The following RBMS3 variants were observed in gnomAD, a reference collection of about 807,000 sequenced individuals.
The protein encoded by RBMS3 is RNA binding motif single stranded interacting protein 3.
In RBMS3, 27 loss-of-function variants were observed where a neutral mutation model predicts 66.8. The observed-to-expected ratio is 0.40, with a 90% CI of 0.30 to 0.56. The LOEUF (loss-of-function observed/expected upper bound fraction) is 0.56, where lower values mean the gene tolerates loss of function less well. Among genes scored for constraint, RBMS3 ranks in the 20% least tolerant of loss-of-function variants. The pLI is 0.40. For missense variants in RBMS3, 513 were observed against 549.5 expected (o/e 0.93, Z 0.66); for synonymous variants, 188 against 183.0 (o/e 1.03, Z -0.22).
intron 6 of RBMS3, among the ~76,000 whole-genome samples, chr3:29,774,032 G>C (rs1222991312): frequency 6.6e-6 from 1 of 151,922 alleles, no homozygotes; most frequent in Non-Finnish European, 1.5e-5. Flanking sequence ...TCTGTTTCTG[G>C]TGAACCCAAA....
intron 4 of RBMS3, among the ~76,000 whole-genome samples, chr3:29,691,232 T>C (rs982937778): frequency 1.3e-5 from 2 of 152,218 alleles, no homozygotes; most frequent in African/African-American, 4.8e-5. Flanking sequence ...CTTGTAAGTA[T>C]TTTGCAGAAC....
intron 4 of RBMS3, among the ~76,000 whole-genome samples, chr3:29,692,725 G>C (rs930488382): frequency 6.6e-6 from 1 of 152,114 alleles, no homozygotes; most frequent in African/African-American, 2.4e-5. Flanking sequence ...TATTGTTCCT[G>C]CATGATAGTA....
At chr3:29,637,772 TGCC>T (rs2049528289) in intron 4 of RBMS3, among the ~76,000 whole-genome samples, 2 of 151,896 alleles carry the variant, frequency 1.3e-5, no homozygotes, top group Non-Finnish European at 2.9e-5. Flanking sequence ...AAGCATTTAG[TGCC>T]CATAACAACA....
intron 4 of RBMS3, among the ~76,000 whole-genome samples, chr3:29,700,521 A>G (rs188565469): frequency 2.3e-4 from 35 of 152,316 alleles, no homozygotes; most frequent in African/African-American, 7.9e-4. Flanking sequence ...GAATCCAAGT[A>G]TAAATAGCAA....
Position 29,362,275 on chromosome 3 carries a change from C to A in RBMS3, c.76-72468C>A, listed in dbSNP as rs201268971. On this transcript the variant is annotated intron_variant, in intron 1 of 14. Transcript: ENST00000383767. Reference sequence around the variant, plus strand: ...TAGTTTTCCTTTTAACAGTCAGGACCCTCAGCTGCAGGTCTGTTGGAGTTT... The same window carrying A: ...TAGTTTTCCTTTTAACAGTCAGGACACTCAGCTGCAGGTCTGTTGGAGTTT... Among the ~76,000 whole-genome samples, 11 of 152,258 alleles carry A rather than the reference C, an allele frequency of 7.2e-5. 1 individual carries two copies. In the East Asian group the frequency reaches 1.9e-3, roughly 27 times the overall value.
At chr3:29,864,728 A>G (rs1330826913) in intron 6 of RBMS3, among the ~76,000 whole-genome samples, 1 of 152,066 alleles carries the variant, frequency 6.6e-6, no homozygotes, top group Non-Finnish European at 1.5e-5. Flanking sequence ...CTTTAAAAAA[A>G]ACTTTCACAA....
chr3:29,566,392 G>T (rs1236810855), intron 3 of RBMS3, among the ~76,000 whole-genome samples: 1 of 152,066 alleles, frequency 6.6e-6, no homozygotes, highest in Non-Finnish European at 1.5e-5. Flanking sequence ...TAGTAAAGCA[G>T]TAGAAGAGTA....
At chr3:29,611,702 G>A (rs1184399034) in intron 4 of RBMS3, among the ~76,000 whole-genome samples, 4 of 151,800 alleles carry the variant, frequency 2.6e-5, no homozygotes, top group Non-Finnish European at 4.4e-5. Context: ...AAGGTTTCAG[G>A]GTAGAAGACC....
intron 2 of RBMS3, among the ~76,000 whole-genome samples, chr3:29,475,441 G>A (rs1162425259): frequency 6.6e-6 from 1 of 151,888 alleles, no homozygotes; most frequent in Non-Finnish European, 1.5e-5. Context: ...GTAGGGATGG[G>A]GTTTTACTGT....
chr3:29,677,901 G>C (rs1486453671), intron 4 of RBMS3, among the ~76,000 whole-genome samples: 2 of 152,136 alleles, frequency 1.3e-5, no homozygotes, highest in Non-Finnish European at 2.9e-5. Context: ...TCACATACCA[G>C]CTCTGTGGCC....
chr3:29,745,327 TAAACCTCTAA>T (rs1209528059), intron 5 of RBMS3, among the ~76,000 whole-genome samples: 1 of 152,152 alleles, frequency 6.6e-6, no homozygotes, highest in Non-Finnish European at 1.5e-5. Flanking sequence ...AGCCAATTTA[TAAACCTCTAA>T]AAACCGAAGT....
intron 1 of RBMS3, among the ~76,000 whole-genome samples, chr3:29,285,244 TG>T (rs1186723367): frequency 2.8e-4 from 1 of 3,524 alleles, no homozygotes; most frequent in Non-Finnish European, 5.5e-4. Context: ...GGGGTGGGGG[TG>T]GGGGTGGTGG....
At chr3:29,772,526 C>T (rs1385762665) in intron 6 of RBMS3, among the ~76,000 whole-genome samples, 1 of 151,930 alleles carries the variant, frequency 6.6e-6, no homozygotes, top group Non-Finnish European at 1.5e-5. Context: ...TCAGCACCAT[C>T]ACAATAGTTA....
In RBMS3 at chr3:29,319,697, G is replaced by T. The variant is rs904388185; in HGVS notation, c.75+37941G>T. 4.6e-5 allele frequency among the ~76,000 whole-genome samples: 7 copies of T among 151,914 alleles called. No individual in the cohort carries two copies. The East Asian group carries it at 5.8e-4, about 13-fold the overall frequency. On this transcript the variant is annotated intron_variant, in intron 1 of 14. Coordinates refer to ENST00000383767, the MANE Select transcript of RBMS3 (RefSeq NM_001003793.3). ...GAAATTTGGATTTTTAACTTTAGTT[G>T]ATCTGTTTCTAGAAAACCATTATTT... is the stretch of plus-strand genomic sequence containing the variant.
At chr3:29,555,180 A>G (rs2046312668) in intron 3 of RBMS3, among the ~76,000 whole-genome samples, 1 of 152,230 alleles carries the variant, frequency 6.6e-6, no homozygotes, top group African/African-American at 2.4e-5. Context: ...ACTTTGTGCT[A>G]GATGAATGAA....
chr3:29,372,911 C>T (rs576005345), intron 1 of RBMS3, among the ~76,000 whole-genome samples: 1 of 151,394 alleles, frequency 6.6e-6, no homozygotes, highest in Non-Finnish European at 1.5e-5. Flanking sequence ...GAAAAAACGC[C>T]TTGAAACCAT....
chr3:29,470,513 GCACACATA>G (rs1188918575), intron 2 of RBMS3, among the ~76,000 whole-genome samples: 1 of 151,936 alleles, frequency 6.6e-6, no homozygotes, highest in Non-Finnish European at 1.5e-5. Context: ...CTTTCTATAA[GCACACATA>G]CATACAAACA....
intron 2 of RBMS3, among the ~76,000 whole-genome samples, chr3:29,484,230 A>T (rs1024508231): frequency 3.9e-5 from 6 of 152,164 alleles, no homozygotes; most frequent in Non-Finnish European, 7.4e-5. Context: ...CCTTGGAGAG[A>T]AGATTATTGT....
chr3:29,662,055 C>T (rs2050574092), intron 4 of RBMS3, among the ~76,000 whole-genome samples: 1 of 152,156 alleles, frequency 6.6e-6, no homozygotes, highest in Non-Finnish European at 1.5e-5. Context: ...GCTGAATGAT[C>T]TATGCACATT....
Sources: gnomAD v4.1 joint callset for allele counts (sites outside exome capture counted in the v4.1 genomes callset) on GRCh38, gnomAD v4.1.1 for gene constraint, MANE v1.5 for transcripts, NCBI Gene and HGNC (gene_info 2026-07-23, HGNC 2026-07-21) for gene names.